CHST11: variants seen among roughly 807,000 people sequenced by gnomAD.
CHST11 encodes C4S-1.
Under a neutral mutation model 30.4 loss-of-function variants are expected in CHST11, and 9 were observed. That is an observed-to-expected ratio of 0.30 (90% CI 0.18 to 0.52). The LOEUF is 0.52. CHST11 is among the 20% of genes least tolerant of loss of function. The pLI, the probability that CHST11 is intolerant of heterozygous loss-of-function variation, is 0.97. For missense variants in CHST11, 348 were observed against 460.6 expected (o/e 0.76, Z 2.24); for synonymous variants, 152 against 187.8 (o/e 0.81, Z 1.56).
chr12:104,580,704 G>C (rs1032844567), intron 1 of CHST11, among the ~76,000 whole-genome samples: 1 of 152,120 alleles, frequency 6.6e-6, no homozygotes, highest in East Asian at 1.9e-4. Context: ...TCAAGAAATG[G>C]GTGCTCAGTC....
At chr12:104,519,373 A>G (rs1050112729) in intron 1 of CHST11, among the ~76,000 whole-genome samples, 3 of 152,194 alleles carry the variant, frequency 2.0e-5, no homozygotes, top group Admixed American at 6.5e-5. Flanking sequence ...CTTTCAGACC[A>G]TTAGCTAAAG....
intron 1 of CHST11, among the ~76,000 whole-genome samples, chr12:104,468,379 A>C (rs966949741): frequency 5.3e-5 from 8 of 152,104 alleles, no homozygotes; most frequent in Non-Finnish European, 1.0e-4. Flanking sequence ...TATAATTACC[A>C]CCATTTTACA....
rs753122725 is a variant in CHST11, at chr12:104,458,520, G to A, written c.118+991G>A. On this transcript the variant is annotated intron_variant, in intron 1 of 2. Coordinates refer to ENST00000303694, the MANE Select transcript of CHST11 (RefSeq NM_018413.6). This position sits in a 1 kb window ranked among gnomAD's most constrained non-coding sequence, Gnocchi z 5.7. ...GTTCTGGAGAGGGAGGGGCGCCCTCGAGCGCGGCGGCCGGGGGTGAGCAGC... is the reference window on the plus strand; with the variant it reads ...GTTCTGGAGAGGGAGGGGCGCCCTCAAGCGCGGCGGCCGGGGGTGAGCAGC... Among the ~76,000 whole-genome samples, 1 of 152,114 alleles carries A rather than the reference G, an allele frequency of 6.6e-6. No individual in the cohort carries two copies. The highest frequency in any genetic ancestry group is 1.9e-4 in the East Asian group (1 of 5,140).
intron 2 of CHST11, among the ~76,000 whole-genome samples, chr12:104,693,481 CTCAGGCACACCAGGATG>C (rs1445226376): frequency 6.6e-6 from 1 of 152,194 alleles, no homozygotes; most frequent in African/African-American, 2.4e-5. Context: ...ATGAGGCTGT[CTCAGGCACACCAGGATG>C]TGTGGTCACT....
At chr12:104,692,923 C>T (rs987634335) in intron 2 of CHST11, among the ~76,000 whole-genome samples, 1 of 149,902 alleles carries the variant, frequency 6.7e-6, no homozygotes. Context: ...GAAACCAGTC[C>T]CTGGTACCAG....
At chr12:104,670,473 A>C (rs36019028) in intron 2 of CHST11, among the ~76,000 whole-genome samples, 114,342 of 150,162 alleles carry the variant, frequency 0.76, 43,529 homozygotes, top group African/African-American at 0.82. Flanking sequence ...GTTCAGACCC[A>C]CACACACACA....
chr12:104,588,364 A>G (rs558681642), intron 1 of CHST11, among the ~76,000 whole-genome samples: 47 of 152,300 alleles, frequency 3.1e-4, no homozygotes, highest in African/African-American at 1.1e-3. Flanking sequence ...TAAGAAAACA[A>G]TTTTGGCATC....
intron 2 of CHST11, among the ~76,000 whole-genome samples, chr12:104,627,346 G>A (rs2039226047): frequency 6.6e-6 from 1 of 152,156 alleles, no homozygotes; most frequent in Non-Finnish European, 1.5e-5. Context: ...CAACTCCTCT[G>A]AGTAAATACC....
At chr12:104,457,968 C>G (rs1340857791) in intron 1 of CHST11, among the ~76,000 whole-genome samples, 1 of 151,780 alleles carries the variant, frequency 6.6e-6, no homozygotes, top group East Asian at 1.9e-4. Flanking sequence ...CCGGAGCCGG[C>G]TGCTCTGCGC....
chr12:104,457,613 C>A, intron 1 of CHST11, 84 bp downstream of exon 1: 1 of 986,970 alleles, frequency 1.0e-6, no homozygotes, highest in Non-Finnish European at 1.6e-6. Flanking sequence ...CTGCCTCTTC[C>A]AACCCTACCT....
At chr12:104,526,317 G>C (rs2038125322) in intron 1 of CHST11, among the ~76,000 whole-genome samples, 1 of 152,098 alleles carries the variant, frequency 6.6e-6, no homozygotes, top group Admixed American at 6.5e-5. Flanking sequence ...TAGAGGCCTT[G>C]ATCCTTTTTA....
At chr12:104,734,123 T>A (rs2040279364) in intron 2 of CHST11, among the ~76,000 whole-genome samples, 1 of 152,216 alleles carries the variant, frequency 6.6e-6, no homozygotes, top group Non-Finnish European at 1.5e-5. Flanking sequence ...TATTGAGAGG[T>A]ACCTGGTCAG....
intron 1 of CHST11, among the ~76,000 whole-genome samples, chr12:104,599,473 G>A (rs1327733590): frequency 6.6e-6 from 1 of 152,166 alleles, no homozygotes; most frequent in Non-Finnish European, 1.5e-5. Flanking sequence ...TTACTTCTCC[G>A]AAGTGTTGCT....
chr12:104,650,064 G>A (rs2039476457), intron 2 of CHST11, among the ~76,000 whole-genome samples: 1 of 152,164 alleles, frequency 6.6e-6, no homozygotes, highest in Non-Finnish European at 1.5e-5. Context: ...AGTCAGAGAG[G>A]GCAGGGGAGA....
Position 104,593,321 on chromosome 12 carries a change from GGAGA to G in CHST11, c.119-8578_119-8575del, listed in dbSNP as rs573221193. Among the ~76,000 whole-genome samples, 205 of 152,294 alleles carry G rather than the reference GGAGA, an allele frequency of 1.3e-3. 2 individuals are homozygous for G. The highest frequency in any genetic ancestry group is 4.7e-3 in the African/African-American group (194 of 41,560). On this transcript the variant is annotated intron_variant, in intron 1 of 2. Transcript: ENST00000303694. ...AATTTGCTTATAGGGTCTCCAGTAA[GGAGA>G]GAGAGATTTGGGAATGGTTTTAATG...
At chr12:104,618,542 T>G (rs1325193010) in intron 2 of CHST11, among the ~76,000 whole-genome samples, 1 of 152,148 alleles carries the variant, frequency 6.6e-6, no homozygotes, top group East Asian at 1.9e-4. Context: ...GCCAAGTATT[T>G]TTTTTCTTTT....
At chr12:104,513,259 A>G (rs917140171) in intron 1 of CHST11, among the ~76,000 whole-genome samples, 1 of 151,940 alleles carries the variant, frequency 6.6e-6, no homozygotes, top group African/African-American at 2.4e-5. Flanking sequence ...CAGAGAGAAT[A>G]CTGGTTGCAA....
At chr12:104,574,311 C>T (rs2038660528) in intron 1 of CHST11, among the ~76,000 whole-genome samples, 1 of 152,086 alleles carries the variant, frequency 6.6e-6, no homozygotes, top group Non-Finnish European at 1.5e-5. Flanking sequence ...GGCGATTCCT[C>T]AGGGATCTAG....
At chr12:104,589,746 G>A (rs1473736281) in intron 1 of CHST11, among the ~76,000 whole-genome samples, 1 of 152,130 alleles carries the variant, frequency 6.6e-6, no homozygotes, top group African/African-American at 2.4e-5. Flanking sequence ...TTTCTGGGAT[G>A]ACTTAAAGTT....
Sources: allele counts gnomAD v4.1 joint callset (sites outside exome capture counted in the v4.1 genomes callset), GRCh38; gene constraint gnomAD v4.1.1; non-coding constraint Gnocchi (gnomAD v3.1); transcripts MANE v1.5; gene names NCBI Gene and HGNC (gene_info 2026-07-23, HGNC 2026-07-21).